Variants in MYH11 observed in about 807,000 individuals in gnomAD.
MYH11 encodes myosin-11.
MYH11 carries 80 observed loss-of-function variants against 246.6 expected under a neutral mutation model. That is an observed-to-expected ratio of 0.32 (90% CI 0.27 to 0.39). The LOEUF is 0.39. MYH11 is among the 10% of genes least tolerant of loss of function. MYH11 has a pLI of 1.00. For synonymous variants in MYH11, 1,071 were observed against 1,015.5 expected (o/e 1.05, Z -1.04); for missense variants, 2,158 against 2,546.8 (o/e 0.85, Z 3.29).
chr16:15,843,027 G>A lies in MYH11; in HGVS notation c.-17-4758C>T, dbSNP rs143165038. ...CCCTTCTACATGGAAGAATTCCAGC[G>A]AATACATGCAGAACAATAAAACTAG... On this transcript the variant is annotated intron_variant, in intron 1 of 40. Coordinates refer to ENST00000300036, the MANE Select transcript of MYH11 (RefSeq NM_002474.3). Among the ~76,000 whole-genome samples the A allele has an allele frequency of 1.6e-4, 24 of 152,110 alleles. No homozygotes were observed. In the East Asian group the frequency reaches 3.5e-3, roughly 22 times the overall value.
intron 1 of MYH11, among the ~76,000 whole-genome samples, chr16:15,842,051 T>C (rs1373635472): frequency 1.3e-5 from 2 of 152,192 alleles, no homozygotes; most frequent in African/African-American, 4.8e-5. Flanking sequence ...AATACCTATT[T>C]TTTTCCTTTC....
chr16:15,775,986 G>C (rs988250047), intron 8 of MYH11, 92 bp downstream of exon 8: 1 of 932,306 alleles, frequency 1.1e-6, no homozygotes, highest in African/African-American at 1.6e-5. Flanking sequence ...GGCAGGATCT[G>C]AGACTGTTTT....
chr16:15,713,701 C>T (rs1443571120), intron 40 of MYH11: 2 of 152,248 alleles, frequency 1.3e-5, no homozygotes, highest in Admixed American at 6.5e-5. Context: ...TCTTGCTGCT[C>T]TTGAACTCCT....
chr16:15,721,866 T>G (rs1035713299), intron 31 of MYH11, among the ~76,000 whole-genome samples: 13 of 152,038 alleles, frequency 8.6e-5, no homozygotes, highest in Middle Eastern at 3.2e-3. Flanking sequence ...GTTTGTGTGT[T>G]TGTTTGTTTT....
chr16:15,765,780 G>T (rs924742990), intron 9 of MYH11, among the ~76,000 whole-genome samples: 3 of 152,180 alleles, frequency 2.0e-5, no homozygotes, highest in African/African-American at 7.2e-5. Flanking sequence ...AATGAATGAA[G>T]CTGCTGTTGA....
intron 12 of MYH11, among the ~76,000 whole-genome samples, chr16:15,758,326 G>A (rs549047098): frequency 6.6e-5 from 10 of 152,254 alleles, no homozygotes; most frequent in South Asian, 2.1e-4. Flanking sequence ...AAACAGAGGC[G>A]CAGAGAGAAA....
At chr16:15,753,144 C>T (rs528444264) in intron 15 of MYH11, among the ~76,000 whole-genome samples, 7 of 152,260 alleles carry the variant, frequency 4.6e-5, no homozygotes, top group South Asian at 2.1e-4. Flanking sequence ...CATGCTGTTT[C>T]TCCTCTATTG....
intron 5 of MYH11, chr16:15,786,324 A>C (rs973958665): frequency 6.1e-6 from 3 of 490,768 alleles, no homozygotes; most frequent in African/African-American, 3.9e-5. Context: ...TCTGGTCCAA[A>C]ATGACATCAG....
intron 9 of MYH11, among the ~76,000 whole-genome samples, chr16:15,771,172 G>C (rs916372756): frequency 6.7e-6 from 1 of 149,030 alleles, no homozygotes; most frequent in Admixed American, 6.6e-5. Flanking sequence ...TTTTTTTTTT[G>C]TATTTTTAGT....
chr16:15,741,686 G>A lies in MYH11; in HGVS notation c.2653-17C>T. On this transcript the variant is annotated splice_polypyrimidine_tract_variant and intron_variant, in intron 21 of 40. Coordinates refer to ENST00000300036, the MANE Select transcript of MYH11 (RefSeq NM_002474.3). ...CTCGGTCAGCTGCACGCAGGTGGTG[G>A]GGAGGAGGCGGGTGAGCCCCACGGG... is the stretch of plus-strand genomic sequence containing the variant. 3 of 1,613,956 alleles carry A rather than the reference G, an allele frequency of 1.9e-6. No individual in the cohort carries two copies. The highest frequency in any genetic ancestry group is 2.5e-6 in the Non-Finnish European group (3 of 1,180,044).
intron 13 of MYH11, among the ~76,000 whole-genome samples, chr16:15,757,098 G>A (rs1255519486): frequency 1.3e-5 from 2 of 151,880 alleles, no homozygotes; most frequent in Admixed American, 6.6e-5. Context: ...GCGCCCGGCC[G>A]AGTTCATAAT....
intron 7 of MYH11, among the ~76,000 whole-genome samples, chr16:15,777,619 G>C (rs1475060894): frequency 6.6e-6 from 1 of 152,158 alleles, no homozygotes; most frequent in Non-Finnish European, 1.5e-5. Context: ...CTCTGGACTT[G>C]ACCGAAGCCT....
Position 15,778,794 on chromosome 16 carries a change from GC to G in MYH11, c.775del (p.Ala259ProfsTer8), listed in dbSNP as rs781275310. 1 of 1,614,110 alleles carries G rather than the reference GC, an allele frequency of 6.2e-7. No individual in the cohort carries two copies. Among genetic ancestry groups the G allele is most frequent in the East Asian group, 2.2e-5 (1 of 44,870 alleles). On this transcript the variant is annotated frameshift_variant, in exon 7 of 41. Coordinates refer to ENST00000300036, the MANE Select transcript of MYH11 (RefSeq NM_002474.3). LOFTEE classifies it high-confidence loss of function. ...GGAAAGGATACAGGTCTCAATGTTG[GC>G]TCCCACGATGTAACCCGTGACGTCG... ...NFDVTGYIVG[A>X]NIETYLLEKS...
chr16:15,820,224 C>T (rs2043372077), intron 3 of MYH11, among the ~76,000 whole-genome samples: 1 of 152,152 alleles, frequency 6.6e-6, no homozygotes, highest in African/African-American at 2.4e-5. Flanking sequence ...TGCCTGTAAT[C>T]CCAGCACTAT....
intron 3 of MYH11, among the ~76,000 whole-genome samples, chr16:15,811,121 G>T (rs2043128368): frequency 6.6e-6 from 1 of 152,106 alleles, no homozygotes; most frequent in Non-Finnish European, 1.5e-5. Context: ...GAGCTAGCAG[G>T]TCCCTTCCAC....
intron 17 of MYH11, 28 bp from the exon 18 acceptor site, chr16:15,747,971 G>C (rs755241101): frequency 1.9e-6 from 3 of 1,613,978 alleles, no homozygotes; most frequent in African/African-American, 2.7e-5. Context: ...AAGTCACCCC[G>C]GGTACCTCCA....
At chr16:15,775,399 A>G (rs58568171) in intron 8 of MYH11, among the ~76,000 whole-genome samples, 1 of 39,180 alleles carries the variant, frequency 2.6e-5, no homozygotes, top group African/African-American at 7.5e-5. Context: ...TGGTTTATGT[A>G]CTGCCTGTGC....
chr16:15,732,941 A>G, intron 26 of MYH11: 3 of 593,640 alleles, frequency 5.1e-6, no homozygotes, highest in Non-Finnish European at 9.0e-6. Flanking sequence ...CTGGCAAACA[A>G]ATACACAAAG....
chr16:15,728,857 G>A (rs1169440033), intron 27 of MYH11, among the ~76,000 whole-genome samples: 7 of 151,946 alleles, frequency 4.6e-5, no homozygotes, highest in South Asian at 2.1e-4. Context: ...CCGAGATCCC[G>A]CCAGTGCACT....
Sources: allele counts gnomAD v4.1 joint callset (sites outside exome capture counted in the v4.1 genomes callset), GRCh38; gene constraint gnomAD v4.1.1; transcripts MANE v1.5; gene names NCBI Gene and HGNC (gene_info 2026-07-23, HGNC 2026-07-21).